COL27A1: variants seen among roughly 807,000 people sequenced by gnomAD.
The protein encoded by COL27A1 is collagen type XXVII alpha 1 chain.
In COL27A1, 106 loss-of-function variants were observed where a neutral mutation model predicts 251.3. The ratio of observed to expected loss-of-function variants is 0.42; its 90% CI spans 0.36 to 0.50. The LOEUF (loss-of-function observed/expected upper bound fraction) is 0.50. Ranked by LOEUF, COL27A1 falls within the 20% of genes least tolerant of loss-of-function variation. The pLI, the probability that COL27A1 is intolerant of heterozygous loss-of-function variation, is 0.00. For missense variants in COL27A1, 2,325 were observed against 2,522.8 expected (o/e 0.92, Z 1.68); for synonymous variants, 1,000 against 986.3 (o/e 1.01, Z -0.26).
intron 16 of COL27A1, among the ~76,000 whole-genome samples, chr9:114,235,079 C>CAAAAAAAAA (rs34337576): frequency 1.1e-5 from 1 of 88,248 alleles, no homozygotes; most frequent in Non-Finnish European, 2.0e-5. Context: ...GACTCCATCT[C>CAAAAAAAAA]AAAAAAAAAA....
At chr9:114,164,269 A>G (rs1848685338) in intron 2 of COL27A1, among the ~76,000 whole-genome samples, 1 of 152,188 alleles carries the variant, frequency 6.6e-6, no homozygotes, top group Admixed American at 6.5e-5. Context: ...AGTGCTCAAC[A>G]AGTATTAGTT....
At chr9:114,224,648 CTTTTTT>C (rs5900075) in intron 14 of COL27A1, among the ~76,000 whole-genome samples, 1 of 97,336 alleles carries the variant, frequency 1.0e-5, no homozygotes, top group East Asian at 3.0e-4. Context: ...CCTCCTGGTT[CTTTTTT>C]TTTTTTTTTT....
At chr9:114,178,079 G>A (rs1383662671) in intron 3 of COL27A1, among the ~76,000 whole-genome samples, 1 of 152,216 alleles carries the variant, frequency 6.6e-6, no homozygotes, top group Non-Finnish European at 1.5e-5. Flanking sequence ...GGTGATAAAT[G>A]ATGAGGGCGT....
chr9:114,257,685 CTCTT>C (rs562807906), intron 27 of COL27A1, among the ~76,000 whole-genome samples: 7 of 152,170 alleles, frequency 4.6e-5, no homozygotes, highest in African/African-American at 7.2e-5. Context: ...CTCTCCTTCT[CTCTT>C]TCTTGATCCT....
chr9:114,222,450 G>A (rs1220369169), intron 14 of COL27A1, among the ~76,000 whole-genome samples, 183 bp downstream of exon 14: 1 of 151,874 alleles, frequency 6.6e-6, no homozygotes, highest in Non-Finnish European at 1.5e-5. Context: ...GGTAGGGGAA[G>A]GTGGGTAGGG....
At position 114,168,130 on chromosome 9, in the gene COL27A1, A is replaced by G. The variant is rs1413951864; in HGVS notation, c.575A>G (p.Asp192Gly). The change falls in exon 3 of 61, where the codon GAC (aspartate) becomes GGC (glycine). Residue 192 changes from aspartate (D) to glycine (G), a missense_variant. By Grantham distance (94) the Asp-to-Gly change is moderately conservative (BLOSUM62 -1). Around this residue, in one of 4 missense-constraint regions of COL27A1, gnomAD observed 1,183 missense variants for 1,144.1 expected, o/e 1.03. Coordinates refer to ENST00000356083, the MANE Select transcript of COL27A1 (RefSeq NM_032888.4). The part of the protein sequence containing the change: ...LLPFHRDPAL[D>G]PGGSFLFGKM... The stretch of plus-strand genomic sequence containing the variant: ...CCTTTCCACAGGGACCCTGCACTCG[A>G]CCCTGGGGGCTCCTTCCTCTTTGGG... 1 of 1,612,676 alleles carries G rather than the reference A, an allele frequency of 6.2e-7. No homozygotes were observed. The highest frequency in any genetic ancestry group is 1.3e-5 in the African/African-American group (1 of 74,852).
intron 49 of COL27A1, among the ~76,000 whole-genome samples, chr9:114,299,369 T>C (rs1828460732): frequency 1.3e-5 from 2 of 152,364 alleles, no homozygotes; most frequent in East Asian, 3.9e-4. Flanking sequence ...TGGCAGGCTC[T>C]TCTGCCTCCA....
chr9:114,302,183 C>T, intron 56 of COL27A1, 75 bp downstream of exon 56: 1 of 1,284,994 alleles, frequency 7.8e-7, no homozygotes, highest in East Asian at 2.3e-5. Flanking sequence ...TGCTGGCCCT[C>T]TCTGGCCCTG....
At chr9:114,248,102 TCAC>T (rs1833268584) in intron 24 of COL27A1, among the ~76,000 whole-genome samples, 2 of 152,128 alleles carry the variant, frequency 1.3e-5, no homozygotes, top group African/African-American at 4.8e-5. Flanking sequence ...GGCAGTAACA[TCAC>T]TGTCAGAGGC....
At chr9:114,160,637 A>G (rs1848436208) in intron 1 of COL27A1, among the ~76,000 whole-genome samples, 1 of 150,314 alleles carries the variant, frequency 6.7e-6, no homozygotes, top group Non-Finnish European at 1.5e-5. Context: ...CTGGAGTTCA[A>G]GTCTAGCCTG....
chr9:114,229,723 G>A (rs1411991779), intron 14 of COL27A1, among the ~76,000 whole-genome samples: 2 of 152,184 alleles, frequency 1.3e-5, no homozygotes, highest in African/African-American at 4.8e-5. Flanking sequence ...CCCTTTCTCT[G>A]AGTGCAGACT....
intron 5 of COL27A1, 132 bp downstream of exon 5, chr9:114,183,207 C>CAGAGGGTG: frequency 2.5e-6 from 2 of 790,262 alleles, no homozygotes; most frequent in Non-Finnish European, 4.2e-6. Context: ...GCCAGGGGCA[C>CAGAGGGTG]CCTCTGGGCC....
Position 114,168,576 on chromosome 9 carries a change from G to T in COL27A1, c.1021G>T (p.Val341Phe). The T allele has an allele frequency of 6.2e-7, 1 of 1,614,072 alleles. No homozygotes were observed. Among genetic ancestry groups the T allele is most frequent in the Non-Finnish European group, 8.5e-7 (1 of 1,179,968 alleles). Residue 341 changes from valine (V) to phenylalanine (F), a missense_variant, in exon 3 of 61, where the codon GTT becomes TTT. Val to Phe is a conservative substitution (Grantham distance 50). Around this residue, in one of 4 missense-constraint regions of COL27A1, gnomAD observed 1,183 missense variants for 1,144.1 expected, o/e 1.03. Coordinates refer to ENST00000356083, the MANE Select transcript of COL27A1 (RefSeq NM_032888.4). ...NALDPMLPAS[V>F]GGSTRTPRPA... is the part of the protein sequence containing the mutation. The stretch of plus-strand genomic sequence containing the variant: ...ACTTGATCCCATGCTCCCAGCCTCT[G>T]TTGGCGGCTCTACCAGAACGCCTCG...
intron 7 of COL27A1, among the ~76,000 whole-genome samples, chr9:114,201,132 A>G (rs1829545439): frequency 6.6e-6 from 1 of 152,150 alleles, no homozygotes; most frequent in Non-Finnish European, 1.5e-5. Context: ...ATATAGACCG[A>G]GTTCTATTAT....
chr9:114,185,018 C>T lies in COL27A1; in HGVS notation c.2016+1943C>T, dbSNP rs567555582. Among the ~76,000 whole-genome samples, 264 of 152,314 alleles carry T rather than the reference C, an allele frequency of 1.7e-3. 3 individuals carry two copies. The highest frequency in any genetic ancestry group is 0.016 in the South Asian group (76 of 4,822). ...TGTGGTAGCAGATGCTCCATCAGCC[C>T]CTTCTGCTGGCCCTGCTCAGAGCAC... is the stretch of plus-strand genomic sequence containing the variant. On this transcript the variant is annotated intron_variant, in intron 5 of 60. Transcript: ENST00000356083.
chr9:114,264,918 C>T lies in COL27A1; in HGVS notation c.3250-6C>T, dbSNP rs371389291. On this transcript the variant is annotated splice_region_variant and splice_polypyrimidine_tract_variant and intron_variant, in intron 29 of 60. Transcript: ENST00000356083. ...CTCCCACCTTCACGTGCTCTGCTTC[C>T]CACAGGGCCCTCCAGGACCCCAGGG... 8.6e-5 allele frequency: 139 copies of T among 1,611,768 alleles called. No homozygotes were observed. Among genetic ancestry groups the T allele is most frequent in the Non-Finnish European group, 1.1e-4 (135 of 1,178,572 alleles).
chr9:114,191,060 C>T (rs1293551339), intron 5 of COL27A1, among the ~76,000 whole-genome samples: 1 of 152,166 alleles, frequency 6.6e-6, no homozygotes, highest in Non-Finnish European at 1.5e-5. Context: ...TCTGGTTCCT[C>T]CTTGTCTTTT....
chr9:114,222,607 C>T (rs1831198843), intron 14 of COL27A1, among the ~76,000 whole-genome samples: 1 of 152,132 alleles, frequency 6.6e-6, no homozygotes, highest in Non-Finnish European at 1.5e-5. Context: ...CGTGCATGGC[C>T]GTTGCTCTGC....
At chr9:114,172,390 C>T (rs564152229) in intron 3 of COL27A1, among the ~76,000 whole-genome samples, 217 of 152,294 alleles carry the variant, frequency 1.4e-3, no homozygotes, top group African/African-American at 5.0e-3. Context: ...CTGACTCCAC[C>T]CCTTTTAGCT....
Sources: gnomAD v4.1 joint callset for allele counts (sites outside exome capture counted in the v4.1 genomes callset) on GRCh38, gnomAD v4.1.1 for gene constraint, gnomAD v4.1.1 regional missense constraint, MANE v1.5 for transcripts, NCBI Gene and HGNC (gene_info 2026-07-23, HGNC 2026-07-21) for gene names.